CAMTA1: variants seen among roughly 807,000 people sequenced by gnomAD.
CAMTA1 encodes the protein calmodulin-binding transcription activator 1.
Under a neutral mutation model 170.9 loss-of-function variants are expected in CAMTA1, and 27 were observed. That is an observed-to-expected ratio of 0.16 (90% CI 0.12 to 0.22). CAMTA1 has a LOEUF of 0.22. CAMTA1 is among the 10% of genes least tolerant of loss of function. The probability of loss-of-function intolerance (pLI) is 1.00; values close to 1 mark genes in which losing one functional copy is unlikely to be tolerated. For synonymous variants in CAMTA1, 833 were observed against 891.5 expected (o/e 0.93, Z 1.17); for missense variants, 1,619 against 2,217.2 (o/e 0.73, Z 5.42).
At chr1:7,686,519 C>T (rs1185762490) in intron 11 of CAMTA1, among the ~76,000 whole-genome samples, 105 of 92,680 alleles carry the variant, frequency 1.1e-3, no homozygotes, top group African/African-American at 4.1e-3. Context: ...GAGGGGGTTG[C>T]GGGGATGGGA....
chr1:6,837,661 A>T (rs944082471), intron 3 of CAMTA1, among the ~76,000 whole-genome samples: 8 of 152,212 alleles, frequency 5.3e-5, no homozygotes, highest in Admixed American at 6.5e-5. Context: ...TCCTGGTGTC[A>T]GAAGACAGTT....
chr1:7,547,556 C>T lies in CAMTA1; in HGVS notation c.510+79655C>T, dbSNP rs2094714457. On this transcript the variant is annotated intron_variant, in intron 6 of 22. Transcript: ENST00000303635. This position sits in a 1 kb window ranked among gnomAD's most constrained non-coding sequence, Gnocchi z 5.7. Reference sequence around the variant, plus strand: ...TATTTACATAGCATTTACATTGTTACTAGGTATTATAAGTAATCTAAAGAT... The same window carrying T: ...TATTTACATAGCATTTACATTGTTATTAGGTATTATAAGTAATCTAAAGAT... Among the ~76,000 whole-genome samples the T allele has an allele frequency of 1.3e-5, 2 of 152,078 alleles. No homozygotes were observed. Among genetic ancestry groups the T allele is most frequent in the African/African-American group, 4.8e-5 (2 of 41,410 alleles).
chr1:7,204,939 C>T (rs1657445738), intron 4 of CAMTA1, among the ~76,000 whole-genome samples: 1 of 150,952 alleles, frequency 6.6e-6, no homozygotes, highest in African/African-American at 2.4e-5. Context: ...ACACCATTCT[C>T]CCGCCTCAGC....
rs200802207 is a variant in CAMTA1, at chr1:7,697,856, A to AC, written c.2914+20124dup. On this transcript the variant is annotated intron_variant, in intron 11 of 22. Transcript: ENST00000303635. ...ACACTGTTTCTCCCCACTATCCTCC[A>AC]CATCACTGTCAGGACCATTATCTCT... is the stretch of plus-strand genomic sequence containing the variant. Among the ~76,000 whole-genome samples, 1,038 of 152,266 alleles carry AC rather than the reference A, an allele frequency of 6.8e-3. 15 individuals carry two copies. Among genetic ancestry groups the AC allele is most frequent in the African/African-American group, 0.024 (991 of 41,548 alleles).
intron 1 of CAMTA1, among the ~76,000 whole-genome samples, chr1:6,810,082 A>C (rs558720274): frequency 6.6e-6 from 1 of 152,316 alleles, no homozygotes; most frequent in South Asian, 2.1e-4. Flanking sequence ...AATCATCACA[A>C]ACCCAGTGGC....
intron 6 of CAMTA1, among the ~76,000 whole-genome samples, chr1:7,584,308 G>C (rs1256155855): frequency 6.6e-6 from 1 of 151,928 alleles, no homozygotes; most frequent in South Asian, 2.1e-4. Context: ...ATCAGGGGAC[G>C]GAAGCTGACT....
intron 4 of CAMTA1, among the ~76,000 whole-genome samples, chr1:7,118,058 G>T (rs935003650): frequency 2.0e-5 from 3 of 152,136 alleles, no homozygotes; most frequent in Non-Finnish European, 2.9e-5. Context: ...AAGCCTGGAG[G>T]ACAGGCTGAC....
intron 5 of CAMTA1, among the ~76,000 whole-genome samples, chr1:7,391,213 TCTCCAA>T (rs2088673048): frequency 6.6e-6 from 1 of 152,142 alleles, no homozygotes; most frequent in Non-Finnish European, 1.5e-5. Flanking sequence ...GTCAGGCTGG[TCTCCAA>T]CTCCTGACCT....
intron 6 of CAMTA1, among the ~76,000 whole-genome samples, chr1:7,614,279 GTCCATCCCC>G (rs2095544280): frequency 6.6e-6 from 1 of 152,082 alleles, no homozygotes; most frequent in South Asian, 2.1e-4. Flanking sequence ...TGGCCTATGT[GTCCATCCCC>G]TCCCTTGTTG....
At chr1:7,281,673 A>G (rs997448370) in intron 5 of CAMTA1, among the ~76,000 whole-genome samples, 1 of 152,248 alleles carries the variant, frequency 6.6e-6, no homozygotes, top group African/African-American at 2.4e-5. Flanking sequence ...ATATTTTAAT[A>G]TCACTGTCCA....
Position 7,067,457 on chromosome 1 carries a change from G to C in CAMTA1, c.235-23847G>C, listed in dbSNP as rs751355891. 3.9e-5 allele frequency among the ~76,000 whole-genome samples: 6 copies of C among 152,086 alleles called. No homozygotes were observed. The highest frequency in any genetic ancestry group is 3.9e-4 in the Admixed American group (6 of 15,278). ...TCTTCTGCTTCTCTGAGATCTGAGG[G>C]GGATTTGAATGATCTTGACTCTGTT... On this transcript the variant is annotated intron_variant, in intron 3 of 22. Coordinates refer to ENST00000303635, the MANE Select transcript of CAMTA1 (RefSeq NM_015215.4). This position sits in a 1 kb window ranked among gnomAD's most constrained non-coding sequence, Gnocchi z 4.3.
At chr1:7,161,456 C>T (rs1370940176) in intron 4 of CAMTA1, among the ~76,000 whole-genome samples, 1 of 152,182 alleles carries the variant, frequency 6.6e-6, no homozygotes, top group Non-Finnish European at 1.5e-5. Flanking sequence ...ATTGGAACTC[C>T]CACAATTCCC....
At chr1:7,499,681 A>G (rs1304173800) in intron 6 of CAMTA1, among the ~76,000 whole-genome samples, 70 of 87,142 alleles carry the variant, frequency 8.0e-4, no homozygotes, top group South Asian at 1.4e-3. Context: ...GTGTGTGTGA[A>G]CCTGGTGTGC....
intron 3 of CAMTA1, among the ~76,000 whole-genome samples, chr1:7,040,520 T>C (rs1171347915): frequency 6.6e-6 from 1 of 152,128 alleles, no homozygotes; most frequent in Non-Finnish European, 1.5e-5. Flanking sequence ...AATTCACAGT[T>C]CACAGCACCT....
chr1:6,883,224 A>G (rs912951642), intron 3 of CAMTA1, among the ~76,000 whole-genome samples: 2 of 152,314 alleles, frequency 1.3e-5, no homozygotes, highest in East Asian at 1.9e-4. Flanking sequence ...GCAGAGTGAT[A>G]TCTATGTCAG....
At chr1:7,506,522 A>T (rs1575694087) in intron 6 of CAMTA1, among the ~76,000 whole-genome samples, 1 of 151,802 alleles carries the variant, frequency 6.6e-6, no homozygotes, top group South Asian at 2.1e-4. Context: ...TCACACTAAC[A>T]TCTCATACTC....
At chr1:7,391,575 C>T (rs1286597840) in intron 5 of CAMTA1, among the ~76,000 whole-genome samples, 2 of 152,100 alleles carry the variant, frequency 1.3e-5, no homozygotes, top group African/African-American at 4.8e-5. Context: ...ATGTGGTTTC[C>T]ATCAGCTTGG....
chr1:7,334,484 T>G (rs2083228690), intron 5 of CAMTA1, among the ~76,000 whole-genome samples: 1 of 152,212 alleles, frequency 6.6e-6, no homozygotes, highest in South Asian at 2.1e-4. Context: ...TAGCTAATAT[T>G]AAGATCTTCT....
chr1:7,203,096 G>A (rs557340973), intron 4 of CAMTA1, among the ~76,000 whole-genome samples: 4 of 152,234 alleles, frequency 2.6e-5, no homozygotes, highest in Non-Finnish European at 2.9e-5. Flanking sequence ...CTTTTTCAGC[G>A]TCTATTGAGA....
Sources: gnomAD v4.1 joint callset for allele counts (sites outside exome capture counted in the v4.1 genomes callset) on GRCh38, gnomAD v4.1.1 for gene constraint, Gnocchi (gnomAD v3.1) non-coding constraint, MANE v1.5 for transcripts, NCBI Gene and HGNC (gene_info 2026-07-23, HGNC 2026-07-21) for gene names.